ANK2: variants seen among roughly 807,000 people sequenced by gnomAD.
ANK2 encodes ankyrin-2.
Under a neutral mutation model 360.5 loss-of-function variants are expected in ANK2, and 83 were observed. The observed-to-expected ratio is 0.23, with a 90% CI of 0.19 to 0.28. ANK2 has a LOEUF of 0.28. ANK2 is among the 10% of genes least tolerant of loss of function. The pLI is 1.00. For synonymous variants in ANK2, 1,740 were observed against 1,759.5 expected (o/e 0.99, Z 0.28); for missense variants, 4,201 against 4,795.7 (o/e 0.88, Z 3.66).
At chr4:113,135,123 G>A (rs1265814200) in intron 1 of ANK2, among the ~76,000 whole-genome samples, 1 of 152,210 alleles carries the variant, frequency 6.6e-6, no homozygotes, top group Non-Finnish European at 1.5e-5. Flanking sequence ...ATTGTAGGCT[G>A]ATAACTGTGG....
At chr4:112,933,347 T>C (rs2093426674) in intron 2 of ANK2, among the ~76,000 whole-genome samples, 1 of 152,150 alleles carries the variant, frequency 6.6e-6, no homozygotes, top group South Asian at 2.1e-4. Context: ...AAATAAAAAA[T>C]TAAACAAAAA....
intron 2 of ANK2, among the ~76,000 whole-genome samples, chr4:112,990,021 A>G (rs2046226863): frequency 6.6e-6 from 1 of 152,160 alleles, no homozygotes; most frequent in South Asian, 2.1e-4. Context: ...CTGTAATCCT[A>G]ATGCTTTGGG....
At chr4:113,155,779 A>T (rs2097265092) in intron 1 of ANK2, among the ~76,000 whole-genome samples, 1 of 152,204 alleles carries the variant, frequency 6.6e-6, no homozygotes, top group South Asian at 2.1e-4. Context: ...ATTAAAAAAT[A>T]CTTTTGAAAC....
At chr4:112,955,540 TG>T (rs939309454) in intron 2 of ANK2, among the ~76,000 whole-genome samples, 8 of 151,678 alleles carry the variant, frequency 5.3e-5, no homozygotes, top group South Asian at 4.1e-4. Context: ...TAAAAAAGGT[TG>T]TTTTTTTTTT....
intron 2 of ANK2, among the ~76,000 whole-genome samples, chr4:112,922,578 C>T (rs2091788487): frequency 6.6e-6 from 1 of 152,094 alleles, no homozygotes; most frequent in African/African-American, 2.4e-5. Flanking sequence ...TGTAGTTCTG[C>T]TAGGAAATAT....
At chr4:113,034,463 T>A (rs2154306819) in intron 2 of ANK2, 1 of 151,946 alleles carries the variant, frequency 6.6e-6, no homozygotes, top group East Asian at 1.9e-4. Flanking sequence ...CTCCTGGGGG[T>A]GGTTTTAACT....
At position 113,181,888 on chromosome 4, in the gene ANK2, T is replaced by C. The variant is rs2098423549; in HGVS notation, c.186+7371T>C. Among the ~76,000 whole-genome samples, 3 of 152,144 alleles carry C rather than the reference T, an allele frequency of 2.0e-5. No individual in the cohort carries two copies. In the South Asian group the frequency reaches 6.2e-4, roughly 32 times the overall value. On this transcript the variant is annotated intron_variant, in intron 2 of 45. Coordinates refer to ENST00000357077, the MANE Select transcript of ANK2 (RefSeq NM_001148.6). ...TCATGTAAGGCCTTGTGGGCTATTT[T>C]AAGGACTTTGGCTTTAATTCCGAAT...
At chr4:112,825,757 G>A (rs948442374) in intron 1 of ANK2, among the ~76,000 whole-genome samples, 2 of 152,148 alleles carry the variant, frequency 1.3e-5, no homozygotes, top group African/African-American at 4.8e-5. Flanking sequence ...GTACATTTTT[G>A]TGCTTAGGTT....
intron 1 of ANK2, among the ~76,000 whole-genome samples, chr4:112,865,587 A>G (rs1189848323): frequency 6.6e-6 from 1 of 152,218 alleles, no homozygotes; most frequent in Non-Finnish European, 1.5e-5. Context: ...GGAAAACAAC[A>G]TGTGGTGTGG....
chr4:113,367,933 A>G, intron 42 of ANK2, 82 bp downstream of exon 42: 1 of 1,533,608 alleles, frequency 6.5e-7, no homozygotes, highest in East Asian at 2.3e-5. Context: ...AAGCATAACT[A>G]GTTTTTAAAT....
At chr4:113,016,547 G>A (rs1011361408) in intron 2 of ANK2, among the ~76,000 whole-genome samples, 3 of 152,126 alleles carry the variant, frequency 2.0e-5, no homozygotes, top group Non-Finnish European at 2.9e-5. Flanking sequence ...AACTGCAACC[G>A]TAGCCTTGCA....
At chr4:113,262,203 A>C (rs2053317441) in intron 13 of ANK2, among the ~76,000 whole-genome samples, 1 of 152,162 alleles carries the variant, frequency 6.6e-6, no homozygotes, top group Admixed American at 6.5e-5. Context: ...TCAGACCTAG[A>C]AATAACGTAA....
intron 24 of ANK2, among the ~76,000 whole-genome samples, chr4:113,312,841 A>G (rs1422383793): frequency 6.6e-6 from 1 of 152,138 alleles, no homozygotes; most frequent in Non-Finnish European, 1.5e-5. Context: ...ATGAATTTTA[A>G]AGGAGAGTTT....
chr4:113,249,235 C>T (rs916154629), intron 9 of ANK2, among the ~76,000 whole-genome samples: 1 of 152,042 alleles, frequency 6.6e-6, no homozygotes, highest in African/African-American at 2.4e-5. Context: ...TTCACTTTTG[C>T]AAGCATTAGG....
At chr4:113,087,186 G>A (rs2085281471) in intron 1 of ANK2, among the ~76,000 whole-genome samples, 1 of 152,214 alleles carries the variant, frequency 6.6e-6, no homozygotes, top group Admixed American at 6.5e-5. Context: ...TTTGAAGGAT[G>A]AGTACAAGGT....
chr4:112,904,083 T>C (rs2084386454), intron 1 of ANK2, among the ~76,000 whole-genome samples: 1 of 152,222 alleles, frequency 6.6e-6, no homozygotes, highest in Admixed American at 6.5e-5. Flanking sequence ...TACTCTTTGG[T>C]CAGCAATTTC....
At chr4:113,179,660 T>A (rs1488306933) in intron 2 of ANK2, among the ~76,000 whole-genome samples, 1 of 152,198 alleles carries the variant, frequency 6.6e-6, no homozygotes, top group Non-Finnish European at 1.5e-5. Context: ...AGAAAATAAA[T>A]CTTAGCGTTC....
At chr4:113,092,802 G>C (rs138118378) in intron 1 of ANK2, among the ~76,000 whole-genome samples, 1 of 152,098 alleles carries the variant, frequency 6.6e-6, no homozygotes, top group Non-Finnish European at 1.5e-5. Context: ...ATATGTGCTT[G>C]TGATGGTTCT....
At chr4:113,366,391 CTTTTTTTT>C (rs58588518) in intron 41 of ANK2, among the ~76,000 whole-genome samples, 4 of 108,370 alleles carry the variant, frequency 3.7e-5, no homozygotes, top group African/African-American at 1.3e-4. Context: ...TTCTTGCTTC[CTTTTTTTT>C]TTTTTTTTTT....
Sources: gnomAD v4.1 joint callset for allele counts (sites outside exome capture counted in the v4.1 genomes callset) on GRCh38, gnomAD v4.1.1 for gene constraint, MANE v1.5 for transcripts, NCBI Gene and HGNC (gene_info 2026-07-23, HGNC 2026-07-21) for gene names.